The following TIAM1 variants were observed in gnomAD, a reference collection of about 807,000 sequenced individuals.
The protein encoded by TIAM1 is TIAM Rac1 associated GEF 1.
Under a neutral mutation model 163.5 loss-of-function variants are expected in TIAM1, and 65 were observed. That is an observed-to-expected ratio of 0.40 (90% confidence interval 0.33 to 0.49). The LOEUF (loss-of-function observed/expected upper bound fraction) is 0.49, where lower values mean the gene tolerates loss of function less well. TIAM1 is among the 20% of genes least tolerant of loss of function. TIAM1 has a pLI of 0.77. For missense variants in TIAM1, 1,789 were observed against 2,044.7 expected (o/e 0.87, Z 2.41); for synonymous variants, 833 against 810.1 (o/e 1.03, Z -0.48).
intron 20 of TIAM1, among the ~76,000 whole-genome samples, chr21:31,144,332 A>G (rs1389782168): frequency 6.6e-6 from 1 of 152,228 alleles, no homozygotes; most frequent in Non-Finnish European, 1.5e-5. Context: ...CCAACAAAAT[A>G]TTCTCGTCCA....
intron 14 of TIAM1, among the ~76,000 whole-genome samples, chr21:31,184,689 G>A (rs1426313331): frequency 6.6e-6 from 1 of 152,158 alleles, no homozygotes; most frequent in Non-Finnish European, 1.5e-5. Context: ...ATAAAAATCA[G>A]TCTTTGGGCT....
At chr21:31,227,320 T>C (rs1332089556) in intron 6 of TIAM1, among the ~76,000 whole-genome samples, 1 of 152,172 alleles carries the variant, frequency 6.6e-6, no homozygotes, top group Non-Finnish European at 1.5e-5. Flanking sequence ...GGCTGGCAGC[T>C]GGAATTTAAG....
intron 2 of TIAM1, among the ~76,000 whole-genome samples, chr21:31,379,743 A>T (rs2076746422): frequency 6.6e-6 from 1 of 152,218 alleles, no homozygotes; most frequent in African/African-American, 2.4e-5. Flanking sequence ...CAACCTCAAA[A>T]ACATGCCAAG....
intron 2 of TIAM1, chr21:31,453,189 A>C (rs2044939297): frequency 3.8e-6 from 1 of 262,318 alleles, no homozygotes; most frequent in Non-Finnish European, 7.9e-6. Context: ...CGGTGGAAAA[A>C]CTTAAAGTTG....
chr21:31,256,627 A>AATAT (rs1391610584), intron 4 of TIAM1, among the ~76,000 whole-genome samples: 7 of 150,196 alleles, frequency 4.7e-5, no homozygotes, highest in African/African-American at 1.5e-4. Context: ...ACACACACAC[A>AATAT]CGTATATTAT....
At position 31,554,210 on chromosome 21, in the gene TIAM1, A is replaced by G. The variant is rs189484990; in HGVS notation, c.-422+4717T>C. 2.6e-5 allele frequency among the ~76,000 whole-genome samples: 4 copies of G among 152,122 alleles called. 1 individual carries two copies. The highest frequency in any genetic ancestry group is 2.0e-4 in the Admixed American group (3 of 15,264). ...AAAGCAACTGAATCCTCATAGCCCA[A>G]TCTCCAATCAGTTTCTCCACCCATT... On this transcript the variant is annotated intron_variant, in intron 1 of 28. Coordinates refer to the TIAM1 transcript ENST00000286827.
rs2300354 is a variant in TIAM1 at position 31,309,329 on chromosome 21, G to A, written c.-189+29914C>T. Reference sequence around the variant, plus strand: ...AAAAATTAGCCGGGCACGGTGGCATGCACCTGTAATCTCAGCCACTCAGGA... The same window carrying A: ...AAAAATTAGCCGGGCACGGTGGCATACACCTGTAATCTCAGCCACTCAGGA... On this transcript the variant is annotated intron_variant, in intron 2 of 27. Transcript: ENST00000541036. Among the ~76,000 whole-genome samples the A allele has an allele frequency of 9.2e-4, 140 of 152,170 alleles. 2 individuals are homozygous for A. The East Asian group carries it at 0.025, about 28-fold the overall frequency.
At chr21:31,420,186 G>A (rs1168797743) in intron 2 of TIAM1, among the ~76,000 whole-genome samples, 1 of 152,240 alleles carries the variant, frequency 6.6e-6, no homozygotes, top group African/African-American at 2.4e-5. Context: ...AAATGGGCAA[G>A]GTTGGATGAG....
In TIAM1 at chr21:31,266,847, A is replaced by G; in HGVS notation, c.126T>C (p.Ala42=). ...TCCTGTGGATCACCTTCCCCGAGGA[A>G]GCGTGCCTGGTCCTCCGCGTCTTGT... ...LSHKTRRTRH[A]SSGKVIHRNS... The change falls in exon 4 of 28, where the codon GCT becomes GCC. Residue 42 remains alanine (A), a synonymous_variant. Transcript: ENST00000541036. 1 of 1,614,186 alleles carries G rather than the reference A, an allele frequency of 6.2e-7. No individual in the cohort carries two copies. Among genetic ancestry groups the G allele is most frequent in the South Asian group, 1.1e-5 (1 of 91,090 alleles).
chr21:31,426,494 T>C (rs915556482), intron 2 of TIAM1, among the ~76,000 whole-genome samples: 3 of 152,130 alleles, frequency 2.0e-5, no homozygotes, highest in Non-Finnish European at 4.4e-5. Flanking sequence ...GGTTGCTTGA[T>C]TGCAGGGGAA....
chr21:31,237,766 C>T (rs2070971368), intron 6 of TIAM1, among the ~76,000 whole-genome samples: 1 of 152,092 alleles, frequency 6.6e-6, no homozygotes, highest in African/African-American at 2.4e-5. Context: ...TAGCTGTGTT[C>T]CCAAGGCATT....
intron 6 of TIAM1, among the ~76,000 whole-genome samples, chr21:31,242,906 A>G (rs1010581150): frequency 1.3e-5 from 2 of 149,922 alleles, no homozygotes; most frequent in African/African-American, 2.4e-5. Flanking sequence ...AGAAAAAATG[A>G]CCAGGTGCAG....
At chr21:31,142,620 G>C (rs545287617) in intron 20 of TIAM1, among the ~76,000 whole-genome samples, 78 of 131,480 alleles carry the variant, frequency 5.9e-4, no homozygotes, top group African/African-American at 2.2e-3. Flanking sequence ...GACAGAGGGA[G>C]ACTCCGTCTC....
chr21:31,251,724 G>A lies in TIAM1; in HGVS notation c.1411+18C>T, dbSNP rs749834250. The A allele has an allele frequency of 5.1e-5, 79 of 1,558,850 alleles. No individual in the cohort carries two copies. The highest frequency in any genetic ancestry group is 8.9e-5 in the Admixed American group (5 of 56,120). On this transcript the variant is annotated intron_variant, in intron 5 of 27. Transcript: ENST00000541036. Reference sequence around the variant, plus strand: ...TATTGGTGCATTTGGCACATAGCCGGGGCCCTCCCGCTCTCACCTTTCAGG... The same window carrying A: ...TATTGGTGCATTTGGCACATAGCCGAGGCCCTCCCGCTCTCACCTTTCAGG...
At chr21:31,463,832 G>A (rs1457542429) in intron 2 of TIAM1, among the ~76,000 whole-genome samples, 2 of 149,490 alleles carry the variant, frequency 1.3e-5, no homozygotes, top group African/African-American at 4.9e-5. Context: ...AAAAAGAATA[G>A]GGGGTGAAAA....
chr21:31,351,144 C>G (rs1239872113), intron 2 of TIAM1, among the ~76,000 whole-genome samples: 1 of 152,102 alleles, frequency 6.6e-6, no homozygotes, highest in African/African-American at 2.4e-5. Context: ...ACCTGTATCT[C>G]AAAATATTAA....
chr21:31,268,757 T>C (rs1176291393), intron 3 of TIAM1, among the ~76,000 whole-genome samples: 2 of 152,224 alleles, frequency 1.3e-5, no homozygotes, highest in Non-Finnish European at 2.9e-5. Flanking sequence ...CAACCATTTA[T>C]ATTATCTAAA....
chr21:31,291,132 C>A (rs2074004085), intron 2 of TIAM1, among the ~76,000 whole-genome samples: 1 of 152,102 alleles, frequency 6.6e-6, no homozygotes, highest in African/African-American at 2.4e-5. Context: ...CACCAAGATG[C>A]AGTAAACAAA....
Position 31,118,845 on chromosome 21 carries a change from G to A in TIAM1, c.*1523C>T. On this transcript the variant is annotated 3_prime_UTR_variant, in exon 28 of 28. Coordinates refer to ENST00000541036, the MANE Select transcript of TIAM1 (RefSeq NM_001353694.2). Reference sequence around the variant, plus strand: ...ACCCGAAAGGCGGGGGGAATACAGGGTGGGAACGCAGGAAAAGCAGGCAGA... The same window carrying A: ...ACCCGAAAGGCGGGGGGAATACAGGATGGGAACGCAGGAAAAGCAGGCAGA... 2.9e-6 allele frequency: 1 copy of A among 345,360 alleles called. No homozygotes were observed. Among genetic ancestry groups the A allele is most frequent in the Non-Finnish European group, 5.7e-6 (1 of 176,852 alleles). 21.4% of individuals were successfully genotyped at this position (345,360 alleles called of 1,614,324 possible).
Sources: gnomAD v4.1 joint callset for allele counts (sites outside exome capture counted in the v4.1 genomes callset) on GRCh38, gnomAD v4.1.1 for gene constraint, MANE v1.5 for transcripts, NCBI Gene and HGNC (gene_info 2026-07-23, HGNC 2026-07-21) for gene names.